INCENP: variants seen among roughly 807,000 people sequenced by gnomAD.
INCENP encodes the protein binds and activates aurora-B and -C in vivo and in vitro.
A neutral mutation model predicts 107.3 loss-of-function variants in INCENP; 43 were observed. That is an observed-to-expected ratio of 0.40 (90% confidence interval 0.31 to 0.52). The LOEUF is 0.52. Among genes scored for constraint, INCENP ranks in the 20% least tolerant of loss-of-function variants. The pLI, the probability that INCENP is intolerant of heterozygous loss-of-function variation, is 0.53. For synonymous variants in INCENP, 488 were observed against 494.4 expected (o/e 0.99, Z 0.17); for missense variants, 1,089 against 1,250.9 (o/e 0.87, Z 1.95).
At chr11:62,130,876 G>C (rs1943879532) in intron 4 of INCENP, among the ~76,000 whole-genome samples, 1 of 152,210 alleles carries the variant, frequency 6.6e-6, no homozygotes, top group South Asian at 2.1e-4. Flanking sequence ...CACGTTGGAT[G>C]GTGCAGGTCT....
intron 7 of INCENP, among the ~76,000 whole-genome samples, chr11:62,139,339 G>T (rs1283166683): frequency 6.6e-6 from 1 of 152,104 alleles, no homozygotes; most frequent in African/African-American, 2.4e-5. Flanking sequence ...GTGGGCTGGG[G>T]ATTGAACACC....
intron 4 of INCENP, among the ~76,000 whole-genome samples, chr11:62,131,611 T>C (rs1276473986): frequency 1.3e-5 from 2 of 152,128 alleles, no homozygotes; most frequent in East Asian, 3.9e-4. Context: ...GATGGGTGTC[T>C]GGGGCTCATG....
intron 4 of INCENP, among the ~76,000 whole-genome samples, chr11:62,136,556 C>A (rs946027890): frequency 2.6e-5 from 4 of 152,108 alleles, no homozygotes; most frequent in Admixed American, 6.5e-5. Flanking sequence ...TGGTACATGC[C>A]TGTAATTCCA....
intron 18 of INCENP, 89 bp from the exon 19 acceptor site, chr11:62,151,673 G>A: frequency 2.8e-6 from 3 of 1,083,586 alleles, no homozygotes; most frequent in Admixed American, 3.6e-5. Context: ...TAGGGAGGTT[G>A]GAGAGGGTGA....
rs773833319 is a variant in INCENP, at chr11:62,138,980, G to C, written c.1266G>C (p.Pro422=). 1.4e-5 allele frequency: 23 copies of C among 1,613,734 alleles called. No individual in the cohort carries two copies. The African/African-American group carries it at 2.1e-4, about 15-fold the overall frequency. The change falls in exon 7 of 19, where the codon CCG becomes CCC. Residue 422 remains proline, a synonymous_variant. Transcript: ENST00000394818. ...TPNPKPAASS[P]ETPSAGQQEA... ...ACCCGAAGCCTGCAGCCAGCAGCCC[G>C]GAAACACCCTCTGCAGGGCAGCAAG...
In INCENP at chr11:62,150,120, C is replaced by G. The variant is rs1355012370; in HGVS notation, c.2455C>G (p.Pro819Ala). 4 of 1,613,918 alleles carry G rather than the reference C, an allele frequency of 2.5e-6. No individual in the cohort carries two copies. The highest frequency in any genetic ancestry group is 3.4e-6 in the Non-Finnish European group (4 of 1,179,994). ...GCACAGGGCCCCTCCCAAGATCAAC[C>G]CAGATAACTACGGGATGGATCTGAA... is the stretch of plus-strand genomic sequence containing the variant. ...QGHRAPPKIN[P>A]DNYGMDLNSD... The change falls in exon 18 of 19, where the codon CCA becomes GCA. Residue 819 changes from proline (P) to alanine (A), a missense_variant. By Grantham distance (27) the Pro-to-Ala change is conservative. Coordinates refer to ENST00000394818, the MANE Select transcript of INCENP (RefSeq NM_001040694.2).
intron 5 of INCENP, 45 bp downstream of exon 5, chr11:62,137,928 G>C: frequency 6.5e-7 from 1 of 1,541,810 alleles, no homozygotes; most frequent in Non-Finnish European, 9.0e-7. Flanking sequence ...GGCATACCAG[G>C]ACAGGGAGCC....
intron 17 of INCENP, among the ~76,000 whole-genome samples, chr11:62,149,767 A>G (rs2134684801): frequency 6.6e-6 from 1 of 152,130 alleles, no homozygotes; most frequent in African/African-American, 2.4e-5. Flanking sequence ...CTAAACATAC[A>G]AAAAATTGGC....
chr11:62,138,228 G>C (rs766433829), intron 5 of INCENP, among the ~76,000 whole-genome samples: 1 of 152,116 alleles, frequency 6.6e-6, no homozygotes, highest in South Asian at 2.1e-4. Flanking sequence ...GTGCTGCTTC[G>C]GGCCAGGACA....
chr11:62,145,568 G>C, intron 13 of INCENP, 61 bp from the exon 14 acceptor site: 3 of 1,540,746 alleles, frequency 1.9e-6, no homozygotes, highest in Non-Finnish European at 2.6e-6. Context: ...ACAGTTCTGG[G>C]CTCCACTCTG....
intron 1 of INCENP, among the ~76,000 whole-genome samples, chr11:62,125,994 G>T (rs1421867282): frequency 1.3e-5 from 2 of 152,214 alleles, no homozygotes; most frequent in Admixed American, 1.3e-4. Context: ...TGAGGAGTGA[G>T]CCATACAAAA....
intron 1 of INCENP, among the ~76,000 whole-genome samples, chr11:62,126,953 T>A (rs1022193754): frequency 2.0e-4 from 30 of 152,198 alleles, no homozygotes; most frequent in Non-Finnish European, 4.4e-4. Flanking sequence ...GTTGATTGCA[T>A]CCATGGATGT....
At chr11:62,147,908 G>A (rs1011648383) in intron 15 of INCENP, among the ~76,000 whole-genome samples, 1 of 152,156 alleles carries the variant, frequency 6.6e-6, no homozygotes, top group South Asian at 2.1e-4. Flanking sequence ...GTGGGTACCC[G>A]AGCTGCATGC....
intron 17 of INCENP, among the ~76,000 whole-genome samples, chr11:62,149,574 A>T (rs1298058405): frequency 6.6e-6 from 1 of 152,120 alleles, no homozygotes; most frequent in South Asian, 2.1e-4. Context: ...TTTGCAATAC[A>T]CCTTAGCATC....
rs1944041377 is a variant in INCENP, at chr11:62,138,604, C to T, written c.1116-109C>T. 5 of 1,028,384 alleles carry T rather than the reference C, an allele frequency of 4.9e-6. No homozygotes were observed. The Admixed American group carries it at 8.9e-5, about 18-fold the overall frequency. 63.7% of individuals were successfully genotyped at this position (1,028,384 alleles called of 1,614,324 possible). A position where few individuals can be genotyped will look rare whatever the true frequency, so the allele number is the denominator to read the frequency against. On this transcript the variant is annotated intron_variant, in intron 5 of 18. Transcript: ENST00000394818. ...TGGGTTCGTGGCCCTGGCCAGGGCA[C>T]CTTGTGTTGACCTCTTGGGTCCCCA...
At chr11:62,147,898 G>A (rs965313263) in intron 15 of INCENP, among the ~76,000 whole-genome samples, 3 of 152,194 alleles carry the variant, frequency 2.0e-5, no homozygotes, top group Admixed American at 6.5e-5. Flanking sequence ...GGCAGCTTTG[G>A]TGGGTACCCG....
chr11:62,137,713 C>A, intron 4 of INCENP, 119 bp from the exon 5 acceptor site: 1 of 848,410 alleles, frequency 1.2e-6, no homozygotes, highest in East Asian at 2.4e-5. Flanking sequence ...GTGGGGGCTC[C>A]ACGGCTAGTG....
intron 4 of INCENP, 63 bp from the exon 5 acceptor site, chr11:62,137,769 C>T: frequency 2.7e-6 from 4 of 1,488,222 alleles, no homozygotes; most frequent in Non-Finnish European, 3.8e-6. Context: ...TCCCCTGGAC[C>T]CCTTAGAGTG....
At chr11:62,148,389 T>C in intron 15 of INCENP, 87 bp from the exon 16 acceptor site, 1 of 1,249,562 alleles carries the variant, frequency 8.0e-7, no homozygotes, top group Non-Finnish European at 1.1e-6. Flanking sequence ...TCCTACTGGC[T>C]GGGCCTGGTT....
Sources: allele counts gnomAD v4.1 joint callset (sites outside exome capture counted in the v4.1 genomes callset), GRCh38; gene constraint gnomAD v4.1.1; transcripts MANE v1.5; gene names NCBI Gene and HGNC (gene_info 2026-07-23, HGNC 2026-07-21).